MALRD1: variants seen among roughly 807,000 people sequenced by gnomAD.
MALRD1 encodes the protein MAM and LDL-receptor class A domain-containing protein 1.
A neutral mutation model predicts 242.1 loss-of-function variants in MALRD1; 247 were observed. The ratio of observed to expected loss-of-function variants is 1.02; its 90% CI spans 0.92 to 1.13. The LOEUF is 1.13. Among genes scored for constraint, MALRD1 ranks in the 50% most tolerant of loss-of-function variants. The probability of loss-of-function intolerance (pLI) is 0.00; values close to 1 mark genes in which losing one functional copy is unlikely to be tolerated. For synonymous variants in MALRD1, 995 were observed against 866.6 expected (o/e 1.15, Z -2.60); for missense variants, 2,989 against 2,533.1 (o/e 1.18, Z -3.86).
chr10:19,117,607 G>A (rs899386220), intron 5 of MALRD1, among the ~76,000 whole-genome samples: 4 of 152,082 alleles, frequency 2.6e-5, no homozygotes, highest in Non-Finnish European at 5.9e-5. Flanking sequence ...CATGGTAATC[G>A]TTATTGTGCA....
At chr10:19,706,737 C>G (rs1259301212) in intron 38 of MALRD1, among the ~76,000 whole-genome samples, 1 of 152,060 alleles carries the variant, frequency 6.6e-6, no homozygotes, top group Non-Finnish European at 1.5e-5. Flanking sequence ...ACCAACTAGA[C>G]AGAGAAGGAT....
At chr10:19,693,331 G>A (rs1010698380) in intron 38 of MALRD1, among the ~76,000 whole-genome samples, 9 of 151,884 alleles carry the variant, frequency 5.9e-5, no homozygotes, top group East Asian at 1.9e-4. Context: ...AAACCCCATC[G>A]TCTCAGCCCA....
intron 32 of MALRD1, among the ~76,000 whole-genome samples, chr10:19,542,943 C>T (rs1423436242): frequency 3.3e-5 from 5 of 152,066 alleles, no homozygotes; most frequent in African/African-American, 9.7e-5. Context: ...CAACTTTTAT[C>T]AACAGTAAAT....
intron 26 of MALRD1, among the ~76,000 whole-genome samples, chr10:19,358,410 A>C (rs1021839795): frequency 6.6e-6 from 1 of 152,176 alleles, no homozygotes; most frequent in Non-Finnish European, 1.5e-5. Context: ...ACTAGTGCCT[A>C]GTGATGAGAA....
chr10:19,409,029 C>A (rs78378957), intron 28 of MALRD1, among the ~76,000 whole-genome samples: 122 of 152,276 alleles, frequency 8.0e-4, no homozygotes, highest in African/African-American at 2.8e-3. Flanking sequence ...ACTGTACTAG[C>A]CATTATCTAG....
At chr10:19,707,149 A>C (rs1416238706) in intron 38 of MALRD1, among the ~76,000 whole-genome samples, 120 of 105,872 alleles carry the variant, frequency 1.1e-3, no homozygotes, top group Middle Eastern at 6.6e-3. Context: ...TCTCCTCCTC[A>C]TCCTCCTTTC....
intron 33 of MALRD1, among the ~76,000 whole-genome samples, chr10:19,576,686 C>G (rs1271571671): frequency 6.6e-6 from 1 of 152,036 alleles, no homozygotes; most frequent in Non-Finnish European, 1.5e-5. Context: ...TACCCTTATC[C>G]CCTCATCTCC....
chr10:19,070,610 T>C (rs1232929758), intron 2 of MALRD1, among the ~76,000 whole-genome samples: 1 of 152,118 alleles, frequency 6.6e-6, no homozygotes, highest in Non-Finnish European at 1.5e-5. Flanking sequence ...TTGTGCATAA[T>C]TACAATGGGA....
At chr10:19,668,224 G>A (rs923106913) in intron 36 of MALRD1, among the ~76,000 whole-genome samples, 6 of 152,054 alleles carry the variant, frequency 3.9e-5, no homozygotes, top group African/African-American at 1.4e-4. Context: ...TTCCTCCCTG[G>A]TTCCTGGGAC....
intron 38 of MALRD1, among the ~76,000 whole-genome samples, chr10:19,695,849 A>G (rs1833354804): frequency 6.6e-6 from 1 of 152,126 alleles, no homozygotes; most frequent in African/African-American, 2.4e-5. Context: ...TCATGGCAGC[A>G]GGCAAGAGAG....
rs1200094377 is a variant in MALRD1, at chr10:19,468,734, ACT to A, written c.5029+18247_5029+18248del. ...CCTCAGTGTTTATATAATCTGAAAG[ACT>A]CTGTATCTCTAGTCTTTACAAGATC... On this transcript the variant is annotated intron_variant, in intron 29 of 39. Transcript: ENST00000454679. Among the ~76,000 whole-genome samples, 3 of 151,828 alleles carry A rather than the reference ACT, an allele frequency of 2.0e-5. No homozygotes were observed. In the East Asian group the frequency reaches 5.8e-4, roughly 29 times the overall value.
At chr10:19,440,452 A>C (rs113571410) in intron 28 of MALRD1, among the ~76,000 whole-genome samples, 3,897 of 151,992 alleles carry the variant, frequency 0.026, 171 homozygotes, top group African/African-American at 0.088. Flanking sequence ...TCATTAACTC[A>C]TCATTTACAT....
At chr10:19,531,769 C>G (rs1194226885) in intron 32 of MALRD1, among the ~76,000 whole-genome samples, 1 of 152,162 alleles carries the variant, frequency 6.6e-6, no homozygotes, top group Non-Finnish European at 1.5e-5. Context: ...TATCAGCTCA[C>G]AGTAAAATCA....
chr10:19,382,823 T>C (rs1266689022), intron 26 of MALRD1, among the ~76,000 whole-genome samples: 1 of 152,130 alleles, frequency 6.6e-6, no homozygotes, highest in Non-Finnish European at 1.5e-5. Flanking sequence ...TTATTTCAGG[T>C]AGAAGATTTT....
At chr10:19,163,323 A>G (rs1448378462) in intron 12 of MALRD1, among the ~76,000 whole-genome samples, 1 of 152,024 alleles carries the variant, frequency 6.6e-6, no homozygotes, top group African/African-American at 2.4e-5. Flanking sequence ...TGCAGCCATA[A>G]AAAAAGAACA....
chr10:19,403,378 T>A (rs1846952715), intron 28 of MALRD1, among the ~76,000 whole-genome samples: 1 of 152,202 alleles, frequency 6.6e-6, no homozygotes, highest in Non-Finnish European at 1.5e-5. Context: ...AATGACTCAT[T>A]GAGGACTTTG....
intron 18 of MALRD1, among the ~76,000 whole-genome samples, chr10:19,244,079 A>G (rs1174040531): frequency 3.9e-5 from 6 of 152,130 alleles, no homozygotes; most frequent in Admixed American, 3.9e-4. Flanking sequence ...ACTCTTATCT[A>G]AAGATATCCG....
intron 25 of MALRD1, among the ~76,000 whole-genome samples, chr10:19,351,745 GAAAGT>G (rs902263341): frequency 3.0e-4 from 45 of 152,238 alleles, no homozygotes; most frequent in African/African-American, 1.0e-3. Flanking sequence ...GTCACAGAAA[GAAAGT>G]AAACTCAGCC....
intron 5 of MALRD1, among the ~76,000 whole-genome samples, chr10:19,115,811 G>C (rs938114256): frequency 6.6e-6 from 1 of 152,096 alleles, no homozygotes; most frequent in Non-Finnish European, 1.5e-5. Context: ...AGGAGGCAGA[G>C]GTTGCAGTGA....
Sources: gnomAD v4.1 joint callset for allele counts (sites outside exome capture counted in the v4.1 genomes callset) on GRCh38, gnomAD v4.1.1 for gene constraint, MANE v1.5 for transcripts, NCBI Gene and HGNC (gene_info 2026-07-23, HGNC 2026-07-21) for gene names.